ZFYVE9: variants seen among roughly 807,000 people sequenced by gnomAD.
The protein encoded by ZFYVE9 is zinc finger FYVE domain-containing protein 9.
ZFYVE9 carries 43 observed loss-of-function variants against 126.7 expected under a neutral mutation model. The observed-to-expected ratio is 0.34, with a 90% confidence interval of 0.27 to 0.44. The LOEUF (loss-of-function observed/expected upper bound fraction) is 0.44, where lower values mean the gene tolerates loss of function less well. ZFYVE9 is among the 20% of genes least tolerant of loss of function. ZFYVE9 has a pLI of 1.00. For synonymous variants in ZFYVE9, 521 were observed against 597.4 expected, an observed-to-expected ratio of 0.87 and a Z score of 1.87; for missense variants, 1,476 against 1,697.0, an observed-to-expected ratio of 0.87 and a Z score of 2.29.
At chr1:52,329,930 G>T (rs1014334121) in intron 13 of ZFYVE9, among the ~76,000 whole-genome samples, 6 of 151,944 alleles carry the variant, frequency 3.9e-5, no homozygotes, top group Non-Finnish European at 8.8e-5. Flanking sequence ...AAATTCTTCC[G>T]TGTCAACAGC....
rs1645654572 is a variant in ZFYVE9, at chr1:52,268,457, C to T, written c.2456-6C>T. 6.2e-7 allele frequency: 1 copy of T among 1,608,594 alleles called. No individual in the cohort carries two copies. Among genetic ancestry groups the T allele is most frequent in the African/African-American group, 1.3e-5 (1 of 74,952 alleles). On this transcript the variant is annotated splice_region_variant and splice_polypyrimidine_tract_variant and intron_variant, in intron 6 of 18. Coordinates refer to ENST00000287727, the MANE Select transcript of ZFYVE9 (RefSeq NM_004799.4). ...GATGCCTGTTTTATTTTTCTGGCCC[C>T]TCAAGTGGCTCAGCCCAGAGAGCAG...
In ZFYVE9 at chr1:52,193,393, CAAA is replaced by C. The variant is rs397863555; in HGVS notation, c.-142-22957_-142-22955del. On this transcript the variant is annotated intron_variant, in intron 1 of 18. Transcript: ENST00000287727. ...ATTTTGGAGGGTAATTTGTCAGTAT[CAAA>C]AAAAAAAAAAAAAAAAAAGGATACA... Among the ~76,000 whole-genome samples, 298 of 95,788 alleles carry C rather than the reference CAAA, an allele frequency of 3.1e-3. 1 individual carries two copies. Among genetic ancestry groups the C allele is most frequent in the African/African-American group, 9.8e-3 (259 of 26,426 alleles). The allele number at this position is 95,788 out of a possible 152,430, so 62.8% of individuals were successfully genotyped here.
intron 1 of ZFYVE9, among the ~76,000 whole-genome samples, chr1:52,164,972 C>T (rs889688840): frequency 1.3e-5 from 2 of 152,018 alleles, no homozygotes; most frequent in African/African-American, 4.8e-5. Context: ...TAGAGAGTTT[C>T]AGTTTGGGAA....
At chr1:52,324,437 A>T (rs536384659) in intron 13 of ZFYVE9, among the ~76,000 whole-genome samples, 90 of 152,348 alleles carry the variant, frequency 5.9e-4, no homozygotes, top group African/African-American at 2.1e-3. Context: ...ACTCCAAGAA[A>T]GTATATTCTT....
chr1:52,319,277 A>G (rs1446161510), intron 13 of ZFYVE9, among the ~76,000 whole-genome samples: 16 of 152,182 alleles, frequency 1.1e-4, no homozygotes, highest in Admixed American at 2.6e-4. Context: ...GTAGTCCCCA[A>G]ATTGATCTGT....
chr1:52,294,204 C>A (rs1645951667), intron 11 of ZFYVE9, among the ~76,000 whole-genome samples: 1 of 152,144 alleles, frequency 6.6e-6, no homozygotes, highest in African/African-American at 2.4e-5. Flanking sequence ...ATATCTCCAT[C>A]TAATTAAAAG....
intron 7 of ZFYVE9, among the ~76,000 whole-genome samples, chr1:52,268,880 G>A (rs1019211738): frequency 6.6e-6 from 1 of 152,174 alleles, no homozygotes; most frequent in African/African-American, 2.4e-5. Flanking sequence ...CTCCACTTTA[G>A]CTAGCAGTCG....
At position 52,297,037 on chromosome 1, in the gene ZFYVE9, C is replaced by T. The variant is rs139286290; in HGVS notation, c.3333+1060C>T. Among the ~76,000 whole-genome samples, 22 of 152,178 alleles carry T rather than the reference C, an allele frequency of 1.4e-4. No homozygotes were observed. In the East Asian group the frequency reaches 4.2e-3, roughly 29 times the overall value. Reference sequence around the variant, plus strand: ...GGCCAGACTGATCTCAAACTCCTGGCCTCAATGATTCACCTGCCTCAGCCT... The same window carrying T: ...GGCCAGACTGATCTCAAACTCCTGGTCTCAATGATTCACCTGCCTCAGCCT... On this transcript the variant is annotated intron_variant, in intron 12 of 18. Coordinates refer to ENST00000287727, the MANE Select transcript of ZFYVE9 (RefSeq NM_004799.4).
chr1:52,266,405 TAAAAAAAAAAAAAA>T (rs33996604), intron 5 of ZFYVE9, among the ~76,000 whole-genome samples: 4 of 85,628 alleles, frequency 4.7e-5, no homozygotes, highest in African/African-American at 9.6e-5. Flanking sequence ...TCTAATTCTT[TAAAAAAAAAAAAAA>T]AAAAAAAAAA....
intron 13 of ZFYVE9, among the ~76,000 whole-genome samples, chr1:52,318,850 C>T (rs1274088953): frequency 6.6e-6 from 1 of 152,144 alleles, no homozygotes; most frequent in African/African-American, 2.4e-5. Flanking sequence ...GTAATTCCAA[C>T]ACTTTGGAGG....
intron 3 of ZFYVE9, among the ~76,000 whole-genome samples, chr1:52,234,647 G>C (rs1003540874): frequency 6.6e-5 from 10 of 152,114 alleles, no homozygotes; most frequent in Non-Finnish European, 8.8e-5. Context: ...AGAGAGGAAG[G>C]CTACCAGAGT....
intron 10 of ZFYVE9, among the ~76,000 whole-genome samples, chr1:52,282,876 A>G (rs1351662287): frequency 2.6e-5 from 4 of 152,222 alleles, no homozygotes; most frequent in Admixed American, 6.5e-5. Context: ...ATGTAGTAAC[A>G]TGGAAAATGC....
chr1:52,344,714 ACTT>A (rs1413618452), intron 17 of ZFYVE9, 51 bp from the exon 18 acceptor site: 4 of 1,592,438 alleles, frequency 2.5e-6, no homozygotes, highest in African/African-American at 2.7e-5. Flanking sequence ...GAGCTAATCT[ACTT>A]CTCCCAAAAT....
intron 1 of ZFYVE9, among the ~76,000 whole-genome samples, chr1:52,211,434 G>T (rs75033047): frequency 0.012 from 1,877 of 152,304 alleles, 33 homozygotes; most frequent in African/African-American, 0.043. Flanking sequence ...ACCCTGCTCA[G>T]ACTAAGATTG....
chr1:52,268,675 C>T (rs748667471), intron 7 of ZFYVE9, 43 bp downstream of exon 7: 2 of 1,595,256 alleles, frequency 1.3e-6, no homozygotes, highest in Non-Finnish European at 1.7e-6. Flanking sequence ...AGCTACTTTA[C>T]TCAGCATTGT....
intron 1 of ZFYVE9, among the ~76,000 whole-genome samples, chr1:52,154,839 G>A (rs1286897240): frequency 2.0e-5 from 3 of 152,088 alleles, no homozygotes; most frequent in Non-Finnish European, 4.4e-5. Context: ...AATGAACTCC[G>A]TTGTTTTTTT....
chr1:52,248,597 G>A (rs192735731), intron 4 of ZFYVE9, among the ~76,000 whole-genome samples: 1 of 152,266 alleles, frequency 6.6e-6, no homozygotes, highest in East Asian at 1.9e-4. Context: ...GTGTATCAGA[G>A]TTTCATTCCT....
intron 1 of ZFYVE9, among the ~76,000 whole-genome samples, chr1:52,182,929 ATATT>A (rs1387598502): frequency 6.6e-6 from 1 of 152,280 alleles, no homozygotes; most frequent in East Asian, 1.9e-4. Context: ...TATAAAAAGA[ATATT>A]TAGTTTTAAA....
chr1:52,263,756 C>G lies in ZFYVE9; in HGVS notation c.2179-17C>G, dbSNP rs757579995. On this transcript the variant is annotated splice_polypyrimidine_tract_variant and intron_variant, in intron 4 of 18. Coordinates refer to ENST00000287727, the MANE Select transcript of ZFYVE9 (RefSeq NM_004799.4). ...CCAAGTAAATTTTGTGTGTTCTTCC[C>G]CCCCCCCCCCCCACAGGTTTTCTGT... 2 of 563,502 alleles carry G rather than the reference C, an allele frequency of 3.5e-6. No homozygotes were observed. Among genetic ancestry groups the G allele is most frequent in the South Asian group, 2.6e-5 (1 of 38,890 alleles). The allele number at this position is 563,502 out of a possible 1,614,324, so 34.9% of individuals were successfully genotyped here. A position where few individuals can be genotyped will look rare whatever the true frequency, so the allele number is the denominator to read the frequency against.
Sources: allele counts gnomAD v4.1 joint callset (sites outside exome capture counted in the v4.1 genomes callset), GRCh38; gene constraint gnomAD v4.1.1; transcripts MANE v1.5; gene names NCBI Gene and HGNC (gene_info 2026-07-23, HGNC 2026-07-21).